Variants in ANKRD44 observed in about 807,000 individuals in gnomAD.
ANKRD44 encodes serine/threonine-protein phosphatase 6 regulatory ankyrin repeat subunit B.
In ANKRD44, 35 loss-of-function variants were observed where a neutral mutation model predicts 116.0. That is an observed-to-expected ratio of 0.30 (90% CI 0.23 to 0.40). ANKRD44 has a LOEUF of 0.40. ANKRD44 is among the 10% of genes least tolerant of loss of function. The pLI, the probability that ANKRD44 is intolerant of heterozygous loss-of-function variation, is 1.00. For synonymous variants in ANKRD44, 435 were observed against 461.8 expected, an observed-to-expected ratio of 0.94 and a Z score of 0.74; for missense variants, 1,014 against 1,242.6, an observed-to-expected ratio of 0.82 and a Z score of 2.77.
chr2:197,259,930 A>T (rs79259806), intron 1 of ANKRD44, among the ~76,000 whole-genome samples: 2 of 152,304 alleles, frequency 1.3e-5, no homozygotes, highest in East Asian at 3.9e-4. Flanking sequence ...GGGGGGAAAA[A>T]AAAAGAAAGA....
Position 197,025,229 on chromosome 2 carries a change from A to G in ANKRD44, c.1689T>C (p.Asp563=). 1.2e-6 allele frequency: 2 copies of G among 1,612,802 alleles called. No homozygotes were observed. Among genetic ancestry groups the G allele is most frequent in the Middle Eastern group, 1.7e-4 (1 of 6,058 alleles). ...ERTNSGFEES[D]SGATKSPLHL... is the part of the protein sequence containing the mutation. Reference sequence around the variant, plus strand: ...GGAGTGGACTCTTAGTAGCACCAGAATCTGATTCTTCAAATCCACTGTTTG... The same window carrying G: ...GGAGTGGACTCTTAGTAGCACCAGAGTCTGATTCTTCAAATCCACTGTTTG... The change falls in exon 17 of 28, where the codon GAT becomes GAC. Residue 563 remains aspartate (D), a synonymous_variant. Transcript: ENST00000282272.
chr2:197,091,359 A>G (rs1180196160), intron 10 of ANKRD44, among the ~76,000 whole-genome samples: 2 of 152,286 alleles, frequency 1.3e-5, no homozygotes, highest in East Asian at 3.9e-4. Context: ...CTGAGTAAAC[A>G]AGGTACCCCT....
intron 1 of ANKRD44, among the ~76,000 whole-genome samples, chr2:197,306,031 G>A (rs1227874642): frequency 6.8e-6 from 1 of 147,078 alleles, no homozygotes; most frequent in Non-Finnish European, 1.5e-5. Context: ...CATTCACCGG[G>A]GTGAGGAAAT....
intron 1 of ANKRD44, among the ~76,000 whole-genome samples, chr2:197,250,361 C>A (rs1159084445): frequency 6.6e-6 from 1 of 152,182 alleles, no homozygotes; most frequent in African/African-American, 2.4e-5. Flanking sequence ...TCCCAGAAGA[C>A]CCCAGTTGAC....
chr2:197,060,479 CACAA>C (rs1175668317), intron 16 of ANKRD44, among the ~76,000 whole-genome samples: 2 of 152,064 alleles, frequency 1.3e-5, no homozygotes, highest in Non-Finnish European at 2.9e-5. Flanking sequence ...AAATGATTAC[CACAA>C]ACAAACTAAT....
chr2:197,171,317 A>G (rs1382883242), intron 2 of ANKRD44, among the ~76,000 whole-genome samples: 1 of 152,188 alleles, frequency 6.6e-6, no homozygotes, highest in Non-Finnish European at 1.5e-5. Flanking sequence ...ACCCTGACAT[A>G]AACTTTGGGC....
At chr2:197,070,814 T>C (rs534270355) in intron 16 of ANKRD44, among the ~76,000 whole-genome samples, 3 of 152,326 alleles carry the variant, frequency 2.0e-5, no homozygotes, top group East Asian at 3.9e-4. Flanking sequence ...TGTAGAATTA[T>C]GTTAATTCTT....
At chr2:197,271,204 T>C (rs1313889347) in intron 1 of ANKRD44, among the ~76,000 whole-genome samples, 1 of 152,214 alleles carries the variant, frequency 6.6e-6, no homozygotes, top group Non-Finnish European at 1.5e-5. Flanking sequence ...CTATCTGCTA[T>C]GGTCTGAATG....
intron 25 of ANKRD44, among the ~76,000 whole-genome samples, chr2:196,996,416 T>A (rs551001000): frequency 6.6e-6 from 1 of 152,170 alleles, no homozygotes; most frequent in Non-Finnish European, 1.5e-5. Flanking sequence ...TGGTACCATA[T>A]AGGTAACACT....
At chr2:197,208,041 T>C (rs537267895) in intron 1 of ANKRD44, among the ~76,000 whole-genome samples, 2 of 152,334 alleles carry the variant, frequency 1.3e-5, no homozygotes, top group African/African-American at 4.8e-5. Context: ...TATTACATAG[T>C]ATTGATGAAC....
At chr2:197,089,414 G>T (rs867607912) in intron 11 of ANKRD44, among the ~76,000 whole-genome samples, 2 of 152,136 alleles carry the variant, frequency 1.3e-5, no homozygotes, top group African/African-American at 2.4e-5. Flanking sequence ...AGAAAGATTA[G>T]CAAAGCTCCA....
At chr2:197,048,898 C>T (rs2077053942) in intron 16 of ANKRD44, among the ~76,000 whole-genome samples, 1 of 152,182 alleles carries the variant, frequency 6.6e-6, no homozygotes, top group Admixed American at 6.5e-5. Context: ...GGGATGGTAT[C>T]TCATTGTGGT....
intron 2 of ANKRD44, among the ~76,000 whole-genome samples, chr2:197,155,016 T>C (rs2079772219): frequency 6.6e-6 from 1 of 152,126 alleles, no homozygotes; most frequent in African/African-American, 2.4e-5. Flanking sequence ...AAACGAAGAA[T>C]CACGCACAAG....
chr2:197,160,722 T>G (rs1173691105), intron 2 of ANKRD44, among the ~76,000 whole-genome samples: 1 of 152,236 alleles, frequency 6.6e-6, no homozygotes, highest in African/African-American at 2.4e-5. Context: ...GAAGGCCTCC[T>G]TTCCCATCCA....
intron 1 of ANKRD44, among the ~76,000 whole-genome samples, chr2:197,187,644 T>TTCTCTCTCTCTC (rs55952976): frequency 2.2e-5 from 3 of 134,736 alleles, no homozygotes; most frequent in African/African-American, 7.8e-5. Flanking sequence ...CACGTTCTCA[T>TTCTCTCTCTCTC]TCTCTCTCTC....
intron 17 of ANKRD44, among the ~76,000 whole-genome samples, chr2:197,018,209 G>A (rs1224412967): frequency 6.6e-6 from 1 of 152,130 alleles, no homozygotes; most frequent in African/African-American, 2.4e-5. Flanking sequence ...AACTCGAGTT[G>A]GGTCACATCA....
chr2:196,999,183 G>C (rs2076068935), intron 23 of ANKRD44, 131 bp from the exon 24 acceptor site: 1 of 1,068,076 alleles, frequency 9.4e-7, no homozygotes, highest in Non-Finnish European at 1.3e-6. Context: ...TAGTGATCAG[G>C]TCCCCTCCCT....
chr2:197,305,588 T>C (rs549306302), intron 1 of ANKRD44, among the ~76,000 whole-genome samples: 1 of 151,832 alleles, frequency 6.6e-6, no homozygotes, highest in East Asian at 1.9e-4. Context: ...AAAGAGGAAG[T>C]AAAAAGTTGA....
At chr2:197,231,049 G>T (rs2081849269) in intron 1 of ANKRD44, among the ~76,000 whole-genome samples, 2 of 152,152 alleles carry the variant, frequency 1.3e-5, no homozygotes, top group African/African-American at 4.8e-5. Flanking sequence ...GGAGGGGAAT[G>T]AAATCAATCC....
Sources: allele counts gnomAD v4.1 joint callset (sites outside exome capture counted in the v4.1 genomes callset), GRCh38; gene constraint gnomAD v4.1.1; transcripts MANE v1.5; gene names NCBI Gene and HGNC (gene_info 2026-07-23, HGNC 2026-07-21).